Variants in ARHGEF38 observed in about 807,000 individuals in gnomAD.
ARHGEF38 encodes Rho guanine nucleotide exchange factor 38, also known as Rho guanine nucleotide exchange factor (GEF) 38.
Under a neutral mutation model 79.9 loss-of-function variants are expected in ARHGEF38, and 79 were observed. The ratio of observed to expected loss-of-function variants is 0.99; its 90% CI spans 0.82 to 1.19. The LOEUF (loss-of-function observed/expected upper bound fraction) is 1.19. ARHGEF38 is among the 50% of genes most tolerant of loss of function. The pLI is 0.00. For missense variants in ARHGEF38, 962 were observed against 907.2 expected, an observed-to-expected ratio of 1.06 and a Z score of -0.78; for synonymous variants, 366 against 328.3, an observed-to-expected ratio of 1.11 and a Z score of -1.24.
intron 13 of ARHGEF38, among the ~76,000 whole-genome samples, chr4:105,674,493 AATGC>A (rs1731054291): frequency 6.6e-6 from 1 of 152,144 alleles, no homozygotes; most frequent in Admixed American, 6.5e-5. Context: ...TCAGTTCTTA[AATGC>A]ATGACAGGTT....
chr4:105,607,847 C>T (rs1728117918), intron 2 of ARHGEF38, among the ~76,000 whole-genome samples: 1 of 152,056 alleles, frequency 6.6e-6, no homozygotes, highest in Admixed American at 6.6e-5. Flanking sequence ...CAAGAGTTAA[C>T]AAGACTTTGC....
At chr4:105,614,050 T>C (rs1728415108) in intron 3 of ARHGEF38, among the ~76,000 whole-genome samples, 1 of 152,192 alleles carries the variant, frequency 6.6e-6, no homozygotes, top group Non-Finnish European at 1.5e-5. Flanking sequence ...CAATCAGATA[T>C]ATTTATTTTC....
chr4:105,649,405 G>T (rs897579144), intron 7 of ARHGEF38, among the ~76,000 whole-genome samples: 3 of 152,142 alleles, frequency 2.0e-5, no homozygotes, highest in Non-Finnish European at 2.9e-5. Flanking sequence ...CTAGAAGTCT[G>T]TATTTTTGCA....
chr4:105,669,785 T>C (rs781564684), intron 13 of ARHGEF38, among the ~76,000 whole-genome samples: 9 of 152,204 alleles, frequency 5.9e-5, no homozygotes, highest in Non-Finnish European at 1.3e-4. Context: ...TGCACCCATT[T>C]GTAGTCCCTC....
At chr4:105,571,222 T>C (rs576330806) in intron 1 of ARHGEF38, among the ~76,000 whole-genome samples, 1 of 152,150 alleles carries the variant, frequency 6.6e-6, no homozygotes, top group African/African-American at 2.4e-5. Flanking sequence ...GAAAAAAGAA[T>C]ATATCCATCT....
At chr4:105,608,987 TG>T (rs1197842956) in intron 2 of ARHGEF38, among the ~76,000 whole-genome samples, 1 of 152,126 alleles carries the variant, frequency 6.6e-6, no homozygotes, top group African/African-American at 2.4e-5. Flanking sequence ...TTGTTTTCTT[TG>T]CTGTGCAGAA....
downstream of ARHGEF38, among the ~76,000 whole-genome samples, chr4:105,681,512 C>A (rs1051384320): frequency 6.6e-6 from 1 of 151,996 alleles, no homozygotes; most frequent in Admixed American, 6.6e-5. Context: ...AGTTTTTTTG[C>A]TGTGAATAAT....
chr4:105,631,397 T>C (rs77096541), intron 4 of ARHGEF38: 1 of 995,562 alleles, frequency 1.0e-6, no homozygotes, highest in Non-Finnish European at 1.2e-6. Flanking sequence ...CGTGGCCCCA[T>C]GACCACTGGA....
At chr4:105,630,514 T>G (rs563618383) in intron 3 of ARHGEF38, among the ~76,000 whole-genome samples, 8 of 152,302 alleles carry the variant, frequency 5.3e-5, no homozygotes, top group Admixed American at 1.3e-4. Flanking sequence ...AGTGCTGGGA[T>G]TATAGGCGTG....
In ARHGEF38 at chr4:105,655,600, C is replaced by T; in HGVS notation, c.1114-3C>T. On this transcript the variant is annotated splice_region_variant and splice_polypyrimidine_tract_variant and intron_variant, in intron 8 of 13. Transcript: ENST00000420470. Reference sequence around the variant, plus strand: ...TTTTTGTAACTTTGTTCTTGGGTTTCAGGATGCCATGCCCCTGGCTCTGCA... The same window carrying T: ...TTTTTGTAACTTTGTTCTTGGGTTTTAGGATGCCATGCCCCTGGCTCTGCA... The T allele has an allele frequency of 6.5e-7, 1 of 1,533,816 alleles. No individual in the cohort carries two copies. Among genetic ancestry groups the T allele is most frequent in the Non-Finnish European group, 8.7e-7 (1 of 1,146,050 alleles).
At chr4:105,561,969 G>C (rs1025065080) in intron 1 of ARHGEF38, among the ~76,000 whole-genome samples, 1 of 152,090 alleles carries the variant, frequency 6.6e-6, no homozygotes, top group Admixed American at 6.6e-5. Flanking sequence ...GGAAGATAAG[G>C]GTTATTTTTG....
At chr4:105,561,400 T>TAG (rs59437354) in intron 1 of ARHGEF38, among the ~76,000 whole-genome samples, 6,846 of 30,446 alleles carry the variant, frequency 0.22, 1,828 homozygotes, top group Non-Finnish European at 0.29. Context: ...TAGAGTAGAA[T>TAG]AATAGAATAG....
intron 10 of ARHGEF38, among the ~76,000 whole-genome samples, chr4:105,664,162 G>A (rs1052598905): frequency 1.3e-5 from 2 of 152,208 alleles, no homozygotes; most frequent in African/African-American, 4.8e-5. Context: ...ATACCCACAA[G>A]TGGGATTGCT....
chr4:105,589,614 T>A (rs1727229104), intron 2 of ARHGEF38, among the ~76,000 whole-genome samples, 179 bp downstream of exon 2: 2 of 152,176 alleles, frequency 1.3e-5, no homozygotes, highest in South Asian at 4.1e-4. Context: ...CTTGTGGAGT[T>A]CACTTTCTAG....
intron 1 of ARHGEF38, among the ~76,000 whole-genome samples, chr4:105,574,399 A>T (rs957517664): frequency 2.0e-5 from 3 of 152,028 alleles, no homozygotes; most frequent in Non-Finnish European, 1.5e-5. Context: ...TACAAAAAAA[A>T]ATTTAGCCAG....
chr4:105,652,831 C>A lies in ARHGEF38; in HGVS notation c.1009-1234C>A, dbSNP rs138912631. Among the ~76,000 whole-genome samples, 382 of 152,280 alleles carry A rather than the reference C, an allele frequency of 2.5e-3. 2 individuals are homozygous for A. The highest frequency in any genetic ancestry group is 8.9e-3 in the African/African-American group (371 of 41,546). On this transcript the variant is annotated intron_variant, in intron 7 of 13. Transcript: ENST00000420470. Reference sequence around the variant, plus strand: ...TTTGTGGGGATTCCAAAGAACTCTGCTGCCTATTTAATCAAAAGCTTTGTA... The same window carrying A: ...TTTGTGGGGATTCCAAAGAACTCTGATGCCTATTTAATCAAAAGCTTTGTA...
At chr4:105,632,116 C>T (rs1428621095) in intron 4 of ARHGEF38, among the ~76,000 whole-genome samples, 4 of 152,136 alleles carry the variant, frequency 2.6e-5, no homozygotes, top group Admixed American at 6.5e-5. Context: ...CTGGAGGAGG[C>T]GTTTCCCGGC....
intron 10 of ARHGEF38, among the ~76,000 whole-genome samples, chr4:105,660,021 A>G (rs1016629137): frequency 1.3e-5 from 2 of 152,208 alleles, no homozygotes; most frequent in African/African-American, 4.8e-5. Context: ...ACTAGTTCTC[A>G]TCTGAATGAG....
chr4:105,568,850 T>G (rs746325052), intron 1 of ARHGEF38, among the ~76,000 whole-genome samples: 13 of 152,220 alleles, frequency 8.5e-5, no homozygotes, highest in Non-Finnish European at 1.9e-4. Context: ...CATACTGCAT[T>G]TTGTTTATAA....
Sources: gnomAD v4.1 joint callset for allele counts (sites outside exome capture counted in the v4.1 genomes callset) on GRCh38, gnomAD v4.1.1 for gene constraint, MANE v1.5 for transcripts, NCBI Gene and HGNC (gene_info 2026-07-23, HGNC 2026-07-21) for gene names.